Variants in GON4L observed in about 807,000 individuals in gnomAD.
GON4L encodes gon-4 like.
A neutral mutation model predicts 211.8 loss-of-function variants in GON4L; 87 were observed. The ratio of observed to expected loss-of-function variants is 0.41; its 90% CI spans 0.35 to 0.49. GON4L has a LOEUF of 0.49. Among genes scored for constraint, GON4L ranks in the 20% least tolerant of loss-of-function variants. GON4L has a pLI of 0.15. For synonymous variants in GON4L, 875 were observed against 962.6 expected, an observed-to-expected ratio of 0.91 and a Z score of 1.68; for missense variants, 2,155 against 2,659.5, an observed-to-expected ratio of 0.81 and a Z score of 4.17.
At chr1:155,763,017 C>A (rs1228455861) in intron 22 of GON4L, among the ~76,000 whole-genome samples, 2 of 148,928 alleles carry the variant, frequency 1.3e-5, no homozygotes, top group African/African-American at 2.5e-5. Context: ...GCCTGGGCGA[C>A]AGAGCAAGAC....
chr1:155,830,593 T>G (rs1669667237), intron 2 of GON4L, among the ~76,000 whole-genome samples: 1 of 151,974 alleles, frequency 6.6e-6, no homozygotes, highest in Non-Finnish European at 1.5e-5. Flanking sequence ...TTCCAATTTT[T>G]TTGTTGTTGC....
chr1:155,813,877 AAG>A (rs1425353690), intron 9 of GON4L, 73 bp from the exon 10 acceptor site: 5 of 1,289,484 alleles, frequency 3.9e-6, no homozygotes, highest in Middle Eastern at 2.0e-4. Flanking sequence ...AAAGGAAAAA[AAG>A]AGAGGGAAAA....
At chr1:155,810,679 C>T (rs907262502) in intron 10 of GON4L, among the ~76,000 whole-genome samples, 8 of 142,514 alleles carry the variant, frequency 5.6e-5, no homozygotes, top group Admixed American at 2.2e-4. Context: ...CACACTCCAG[C>T]CTGGGCGACA....
Position 155,765,794 on chromosome 1 carries a change from C to T in GON4L, c.3679G>A (p.Val1227Met), listed in dbSNP as rs61748905. The stretch of plus-strand genomic sequence containing the variant: ...ACAGCACAAGCAATGTCCACATTCA[C>T]GTGGGCCTTATCTTCAGGGGTGGAT... Reference protein sequence around the residue: ...IPSTPEDKAHVNVDIACAVAD... With the variant: ...IPSTPEDKAHMNVDIACAVAD... The change falls in exon 21 of 32, where the codon GTG becomes ATG. Residue 1227 changes from valine to methionine, a missense_variant. By Grantham distance (21) the Val-to-Met change is conservative. Coordinates refer to ENST00000368331, the MANE Select transcript of GON4L (RefSeq NM_001282860.2). The T allele has an allele frequency of 1.6e-3, 2,585 of 1,613,926 alleles. 33 individuals carry two copies. The African/African-American group carries it at 0.028, about 17-fold the overall frequency.
chr1:155,778,808 GT>G, intron 14 of GON4L, among the ~76,000 whole-genome samples: 1 of 152,018 alleles, frequency 6.6e-6, no homozygotes, highest in South Asian at 2.1e-4. Flanking sequence ...ATGCAGTGTT[GT>G]TTTTCTGTTC....
In GON4L at chr1:155,762,330, C is replaced by G; in HGVS notation, c.4771G>C (p.Ala1591Pro). ...AAGKGRNNHR[A>P]RNKRGSRARA... ...GCCCGACTTCCCCGCTTGTTGCGAG[C>G]TCGATGATTGTTCCGGCCTTTTCCA... The change falls in exon 23 of 32, where the codon GCT becomes CCT. Residue 1591 changes from alanine to proline, a missense_variant. Transcript: ENST00000368331. The G allele has an allele frequency of 6.2e-7, 1 of 1,613,632 alleles. No individual in the cohort carries two copies.
intron 2 of GON4L, among the ~76,000 whole-genome samples, chr1:155,851,441 C>T (rs984024100): frequency 7.3e-5 from 11 of 150,948 alleles, no homozygotes; most frequent in African/African-American, 9.8e-5. Flanking sequence ...CTAGGCCGGG[C>T]GCAGTGGCTC....
rs563900963 is a variant in GON4L at position 155,760,866 on chromosome 1, C to T, written c.4912-225G>A. Among the ~76,000 whole-genome samples the T allele has an allele frequency of 1.3e-3, 199 of 152,320 alleles. 1 individual carries two copies. The highest frequency in any genetic ancestry group is 4.5e-3 in the African/African-American group (189 of 41,556). Reference sequence around the variant, plus strand: ...TGAGCAAGTGAAAAATCATCTTCCACGTTCCACAGTTCTACCCACAAAACC... The same window carrying T: ...TGAGCAAGTGAAAAATCATCTTCCATGTTCCACAGTTCTACCCACAAAACC... On this transcript the variant is annotated intron_variant, in intron 23 of 31. Transcript: ENST00000368331.
intron 13 of GON4L, 180 bp from the exon 14 acceptor site, chr1:155,784,269 T>C: frequency 1.3e-6 from 1 of 745,402 alleles, no homozygotes; most frequent in East Asian, 2.9e-5. Context: ...TTGGGATGGC[T>C]ATTATGCCAA....
rs111558153 is a variant in GON4L, at chr1:155,767,490, T to C, written c.2698A>G (p.Ile900Val). The C allele has an allele frequency of 6.2e-7, 1 of 1,611,946 alleles. No homozygotes were observed. The highest frequency in any genetic ancestry group is 1.7e-5 in the Admixed American group (1 of 59,892). ...LPVLGKCCEE[I>V]QPHQWKPPIE... The stretch of plus-strand genomic sequence containing the variant: ...GGTGGCTTCCACTGATGTGGCTGGA[T>C]CTCTTCACAGCATTTTCCTAGGACT... The change falls in exon 20 of 32, where the codon ATC becomes GTC. Residue 900 changes from isoleucine (I) to valine (V), a missense_variant. By Grantham distance (29) the Ile-to-Val change is conservative (BLOSUM62 3). Transcript: ENST00000368331.
At chr1:155,777,307 G>C (rs562291326) in intron 15 of GON4L, among the ~76,000 whole-genome samples, 1 of 152,092 alleles carries the variant, frequency 6.6e-6, no homozygotes, top group African/African-American at 2.4e-5. Context: ...ACAGCAGGGC[G>C]CAGTGGCTCA....
chr1:155,813,907 A>C, intron 9 of GON4L, 103 bp from the exon 10 acceptor site: 1 of 869,072 alleles, frequency 1.2e-6, no homozygotes, highest in Non-Finnish European at 1.9e-6. Flanking sequence ...GACTTTCCAT[A>C]CACCATTGTC....
chr1:155,830,422 C>T (rs982435160), intron 2 of GON4L, among the ~76,000 whole-genome samples: 2 of 151,428 alleles, frequency 1.3e-5, no homozygotes, highest in East Asian at 3.9e-4. Context: ...GGATTATAGG[C>T]ATGCACCACC....
At chr1:155,757,694 GT>G (rs1406033318) in intron 25 of GON4L, among the ~76,000 whole-genome samples, 196 bp downstream of exon 25, 2 of 129,892 alleles carry the variant, frequency 1.5e-5, no homozygotes, top group Non-Finnish European at 3.2e-5. Flanking sequence ...ACAGGCTCCG[GT>G]TTCAGGTAGC....
At chr1:155,777,514 G>T in intron 15 of GON4L, 108 bp downstream of exon 15, 1 of 854,618 alleles carries the variant, frequency 1.2e-6, no homozygotes, top group Non-Finnish European at 2.0e-6. Context: ...AGAAAGCAGA[G>T]GTTGAAGTGA....
chr1:155,823,841 C>T (rs958682831), intron 3 of GON4L, among the ~76,000 whole-genome samples: 1 of 151,180 alleles, frequency 6.6e-6, no homozygotes, highest in African/African-American at 2.4e-5. Context: ...TGCAGTGAGC[C>T]GAGATCACAC....
rs774269714 is a variant in GON4L at position 155,776,407 on chromosome 1, G to A, written c.2166C>T (p.Thr722=). 10 of 1,605,494 alleles carry A rather than the reference G, an allele frequency of 6.2e-6. No homozygotes were observed. The highest frequency in any genetic ancestry group is 8.5e-6 in the Non-Finnish European group (10 of 1,172,214). Residue 722 remains threonine (T), a synonymous_variant, in exon 16 of 32, where the codon ACC becomes ACT. Transcript: ENST00000368331. ...NPNLNPEATT[T]RIFLKELGTF... is the part of the protein sequence containing the mutation. ...TTTGGAAACTTACAAGAAATATCCT[G>A]GTGGTAGTGGCCTCCGGATTGAGGT... is the stretch of plus-strand genomic sequence containing the variant.
intron 28 of GON4L, among the ~76,000 whole-genome samples, chr1:155,753,664 ACT>A (rs1297990565): frequency 2.6e-5 from 4 of 151,972 alleles, no homozygotes; most frequent in Admixed American, 6.5e-5. Context: ...ACATAGTGAG[ACT>A]CTGTCTCAAA....
rs1286401244 is a variant in GON4L at position 155,750,506 on chromosome 1, C to T, written c.*78G>A. The T allele has an allele frequency of 9.3e-6, 12 of 1,286,850 alleles. No homozygotes were observed. The African/African-American group carries it at 1.5e-4, about 16-fold the overall frequency. 79.7% of individuals were successfully genotyped at this position (1,286,850 alleles called of 1,614,324 possible). A position where few individuals can be genotyped will look rare whatever the true frequency, so the allele number is the denominator to read the frequency against. On this transcript the variant is annotated 3_prime_UTR_variant, in exon 32 of 32. Coordinates refer to ENST00000368331, the MANE Select transcript of GON4L (RefSeq NM_001282860.2). ...CTGTAAACTGGGCTCAAGGACTGTACAAGCAGAGTACAACTACCCCCTCCC... is the reference window on the plus strand; with the variant it reads ...CTGTAAACTGGGCTCAAGGACTGTATAAGCAGAGTACAACTACCCCCTCCC...
Sources: gnomAD v4.1 joint callset for allele counts (sites outside exome capture counted in the v4.1 genomes callset) on GRCh38, gnomAD v4.1.1 for gene constraint, MANE v1.5 for transcripts, NCBI Gene and HGNC (gene_info 2026-07-23, HGNC 2026-07-21) for gene names.